FOXN3: variants seen among roughly 807,000 people sequenced by gnomAD.
FOXN3 encodes the protein forkhead box protein N3.
FOXN3 carries 7 observed loss-of-function variants against 38.4 expected under a neutral mutation model. The ratio of observed to expected loss-of-function variants is 0.18; its 90% CI spans 0.10 to 0.34. The LOEUF (loss-of-function observed/expected upper bound fraction) is 0.34, where lower values mean the gene tolerates loss of function less well. FOXN3 is among the 10% of genes least tolerant of loss of function. FOXN3 has a pLI of 1.00. For missense variants in FOXN3, 456 were observed against 613.4 expected, an observed-to-expected ratio of 0.74 and a Z score of 2.71; for synonymous variants, 230 against 242.2, an observed-to-expected ratio of 0.95 and a Z score of 0.47.
intron 4 of FOXN3, among the ~76,000 whole-genome samples, chr14:89,213,908 A>T (rs765554136): frequency 3.3e-5 from 5 of 152,258 alleles, no homozygotes; most frequent in Non-Finnish European, 5.9e-5. Flanking sequence ...ACTCACTGTA[A>T]CAGTAACAAA....
At chr14:89,549,568 C>A (rs142916138) in intron 1 of FOXN3, among the ~76,000 whole-genome samples, 2 of 152,132 alleles carry the variant, frequency 1.3e-5, no homozygotes, top group African/African-American at 2.4e-5. Flanking sequence ...AACAGAAGCA[C>A]CACTTAAGAA....
chr14:89,441,922 C>T (rs1892392256), intron 1 of FOXN3, among the ~76,000 whole-genome samples: 1 of 75,440 alleles, frequency 1.3e-5, no homozygotes, highest in African/African-American at 4.9e-5. Context: ...AACCGGCTGA[C>T]TTTTTTTTTT....
chr14:89,238,466 C>T lies in FOXN3; in HGVS notation c.745+42484G>A, dbSNP rs542499179. ...AAATGTAAAATAAGAACTTCACTTG[C>T]CACTGGCTTCTAACTTCTTACCATA... is the stretch of plus-strand genomic sequence containing the variant. On this transcript the variant is annotated intron_variant, in intron 4 of 5. Transcript: ENST00000557258. Among the ~76,000 whole-genome samples the T allele has an allele frequency of 7.9e-5, 12 of 152,300 alleles. No homozygotes were observed. In the South Asian group the frequency reaches 2.5e-3, roughly 32 times the overall value.
intron 2 of FOXN3, among the ~76,000 whole-genome samples, chr14:89,398,741 T>G (rs2140085319): frequency 6.6e-6 from 1 of 152,190 alleles, no homozygotes; most frequent in East Asian, 1.9e-4. Context: ...ATCCCAGCAC[T>G]TTGGAAGGCT....
chr14:89,395,815 GA>G (rs1444199571), intron 2 of FOXN3, among the ~76,000 whole-genome samples: 2 of 152,112 alleles, frequency 1.3e-5, no homozygotes, highest in Admixed American at 6.6e-5. Context: ...TCTAAGGCTG[GA>G]GGGGGGGGAG....
chr14:89,326,955 G>A (rs142194300), intron 3 of FOXN3, among the ~76,000 whole-genome samples: 6 of 152,190 alleles, frequency 3.9e-5, no homozygotes, highest in East Asian at 3.9e-4. Context: ...AACATTTCCC[G>A]GGTACGTAAT....
rs1283172509 is a variant in FOXN3, at chr14:89,413,652, A to AGAAG, written c.-14-1163_-14-1162insCTTC. Among the ~76,000 whole-genome samples the AGAAG allele has an allele frequency of 1.3e-4, 11 of 81,858 alleles. No individual in the cohort carries two copies. In the Admixed American group the frequency reaches 1.6e-3, roughly 12 times the overall value. 53.7% of individuals were successfully genotyped at this position (81,858 alleles called of 152,430 possible). On this transcript the variant is annotated intron_variant, in intron 1 of 5. Coordinates refer to ENST00000557258, the MANE Select transcript of FOXN3 (RefSeq NM_005197.4). The stretch of plus-strand genomic sequence containing the variant: ...TGTCTCAAAAGTTTTGAAGAAGGTA[A>AGAAG]GGAAGAAGGGAAGGGAATGGAAGAG...
At chr14:89,169,627 T>C (rs950684705) in intron 5 of FOXN3, among the ~76,000 whole-genome samples, 1 of 151,980 alleles carries the variant, frequency 6.6e-6, no homozygotes, top group African/African-American at 2.4e-5. Context: ...TGGACAGAAC[T>C]GAATTTAAAG....
chr14:89,500,265 C>T (rs778127063), intron 1 of FOXN3, among the ~76,000 whole-genome samples: 13 of 152,290 alleles, frequency 8.5e-5, no homozygotes, highest in African/African-American at 1.7e-4. Flanking sequence ...CATGAGCCAC[C>T]GTTGTGTGTT....
intron 4 of FOXN3, among the ~76,000 whole-genome samples, chr14:89,193,041 C>T (rs1024681027): frequency 6.6e-6 from 1 of 151,998 alleles, no homozygotes; most frequent in Admixed American, 6.5e-5. Flanking sequence ...CCCTCTTGCC[C>T]CTCGTTTTAG....
chr14:89,557,886 A>G (rs566762061), intron 1 of FOXN3, among the ~76,000 whole-genome samples: 2 of 152,114 alleles, frequency 1.3e-5, no homozygotes, highest in South Asian at 4.1e-4. Flanking sequence ...CGTGCCTGTA[A>G]TCCCAGCTAC....
At chr14:89,243,243 C>G (rs1365859776) in intron 4 of FOXN3, among the ~76,000 whole-genome samples, 1 of 152,172 alleles carries the variant, frequency 6.6e-6, no homozygotes, top group East Asian at 1.9e-4. Context: ...CTTGCCAGAT[C>G]AAAATATTTC....
intron 4 of FOXN3, among the ~76,000 whole-genome samples, chr14:89,259,127 T>TC (rs1308994555): frequency 6.6e-6 from 1 of 152,252 alleles, no homozygotes; most frequent in Non-Finnish European, 1.5e-5. Context: ...AAGGCAATGT[T>TC]CCTGGAACTA....
chr14:89,590,641 C>CT (rs1008842991), intron 1 of FOXN3, among the ~76,000 whole-genome samples: 1 of 152,194 alleles, frequency 6.6e-6, no homozygotes, highest in African/African-American at 2.4e-5. Context: ...CTTTCTCCTG[C>CT]TCTCCTGTCT....
rs571678594 is a variant in FOXN3, at chr14:89,494,616, G to C, written c.-14-82126C>G. 5.3e-5 allele frequency among the ~76,000 whole-genome samples: 8 copies of C among 152,330 alleles called. No individual in the cohort carries two copies. The South Asian group carries it at 1.7e-3, about 32-fold the overall frequency. On this transcript the variant is annotated intron_variant, in intron 1 of 6. Coordinates refer to the FOXN3 transcript ENST00000345097. ...GAACAGTTATCCTGGAATGGCACCAGAAGAAAGATGCTATCAGAAATGTAC... is the reference window on the plus strand; with the variant it reads ...GAACAGTTATCCTGGAATGGCACCACAAGAAAGATGCTATCAGAAATGTAC...
chr14:89,475,702 G>A (rs1381726306), intron 1 of FOXN3, among the ~76,000 whole-genome samples: 2 of 152,098 alleles, frequency 1.3e-5, no homozygotes, highest in Admixed American at 6.5e-5. Context: ...TAGTTATCAA[G>A]CACCTAACTA....
chr14:89,218,268 C>G (rs141319275), intron 4 of FOXN3, among the ~76,000 whole-genome samples: 17 of 152,262 alleles, frequency 1.1e-4, no homozygotes, highest in African/African-American at 4.1e-4. Flanking sequence ...TGACTATGAT[C>G]GGACAAGTCA....
intron 1 of FOXN3, among the ~76,000 whole-genome samples, chr14:89,483,742 G>T (rs766865907): frequency 2.6e-5 from 4 of 152,146 alleles, no homozygotes; most frequent in Admixed American, 2.0e-4. Flanking sequence ...ACTACTGCCT[G>T]CCCTGGCTCA....
At chr14:89,398,021 G>C (rs1891145832) in intron 2 of FOXN3, among the ~76,000 whole-genome samples, 1 of 152,106 alleles carries the variant, frequency 6.6e-6, no homozygotes, top group South Asian at 2.1e-4. Flanking sequence ...TGACTATCCT[G>C]AAGGAACCAG....
Sources: allele counts gnomAD v4.1 joint callset (sites outside exome capture counted in the v4.1 genomes callset), GRCh38; gene constraint gnomAD v4.1.1; transcripts MANE v1.5; gene names NCBI Gene and HGNC (gene_info 2026-07-23, HGNC 2026-07-21).